Variants in ZNF469 observed in about 807,000 individuals in gnomAD.
ZNF469 encodes zinc finger protein 469.
A neutral mutation model predicts 1.0 loss-of-function variants in ZNF469; 1 was observed. That is an observed-to-expected ratio of 1.00 (90% CI 0.35 to 4.73). The LOEUF (loss-of-function observed/expected upper bound fraction) is 4.73. Among genes scored for constraint, ZNF469 ranks in the 30% most tolerant of loss-of-function variants. The pLI is 0.16. For missense variants in ZNF469, 6,100 were observed against 5,356.3 expected, an observed-to-expected ratio of 1.14 and a Z score of -4.33; for synonymous variants, 2,703 against 2,363.4, an observed-to-expected ratio of 1.14 and a Z score of -4.17.
chr16:88,122,070 G>A, the ZNF469 span, among the ~76,000 whole-genome samples: 5,816 of 136,496 alleles, frequency 0.043, 272 homozygotes, highest in Non-Finnish European at 0.071. Flanking sequence ...ATCGCACCCT[G>A]TCACTTGCTG....
the ZNF469 span, among the ~76,000 whole-genome samples, chr16:88,325,263 C>CGCGACAGCAGCTGTGACATACACAGGG: frequency 4.6e-5 from 7 of 151,914 alleles, no homozygotes; most frequent in Admixed American, 1.3e-4. Flanking sequence ...TCCAGGTGGT[C>CGCGACAGCAGCTGTGACATACACAGGG]CCTACAGGCT....
intron 1 of ZNF469, among the ~76,000 whole-genome samples, chr16:88,415,816 C>T (rs536048047): frequency 6.6e-6 from 1 of 152,372 alleles, no homozygotes; most frequent in Admixed American, 6.5e-5. Context: ...TCCCAAGCCC[C>T]GCATGATCAT....
chr16:88,188,768 C>T, the ZNF469 span, among the ~76,000 whole-genome samples: 1 of 152,216 alleles, frequency 6.6e-6, no homozygotes, highest in African/African-American at 2.4e-5. Flanking sequence ...AGACCCTCCC[C>T]CTGCCCAGAT....
At chr16:88,297,557 A>G in the ZNF469 span, among the ~76,000 whole-genome samples, 3 of 152,144 alleles carry the variant, frequency 2.0e-5, no homozygotes, top group Non-Finnish European at 4.4e-5. Flanking sequence ...AGCTGTTGCC[A>G]TGAGCCCTGC....
the ZNF469 span, among the ~76,000 whole-genome samples, chr16:88,325,518 C>T: frequency 2.0e-5 from 3 of 152,248 alleles, no homozygotes; most frequent in Admixed American, 6.5e-5. Context: ...CCACTGCAGC[C>T]AGGGGCACTA....
intron 1 of ZNF469, among the ~76,000 whole-genome samples, chr16:88,390,311 G>A (rs1272152123): frequency 1.3e-5 from 2 of 152,304 alleles, no homozygotes; most frequent in Non-Finnish European, 1.5e-5. Context: ...CCCACCAACT[G>A]GCAGGGGCCC....
At chr16:88,163,654 A>C in the ZNF469 span, among the ~76,000 whole-genome samples, 1 of 106,746 alleles carries the variant, frequency 9.4e-6, no homozygotes, top group African/African-American at 3.2e-5. Context: ...GGATGGATGG[A>C]TAGTTGGGTA....
the ZNF469 span, among the ~76,000 whole-genome samples, chr16:88,326,823 T>C: frequency 6.6e-6 from 1 of 152,206 alleles, no homozygotes; most frequent in African/African-American, 2.4e-5. Flanking sequence ...CCCCCCGCTC[T>C]TTCCTGACTC....
the ZNF469 span, among the ~76,000 whole-genome samples, chr16:88,218,502 C>T: frequency 6.6e-6 from 1 of 152,186 alleles, no homozygotes; most frequent in Non-Finnish European, 1.5e-5. Context: ...GTGTTTTAGA[C>T]ATGAAGTCCT....
chr16:88,385,238 G>A (rs2092534462), intron 1 of ZNF469, among the ~76,000 whole-genome samples: 2 of 152,004 alleles, frequency 1.3e-5, no homozygotes, highest in African/African-American at 4.8e-5. Context: ...CTGGAGTCTT[G>A]TCACCACCGA....
At chr16:88,426,453 A>G (rs990302585) in intron 2 of ZNF469, among the ~76,000 whole-genome samples, 69 of 152,388 alleles carry the variant, frequency 4.5e-4, no homozygotes, top group African/African-American at 1.5e-3. Context: ...CGCACAGAGG[A>G]CAGTCCCGTA....
the ZNF469 span, among the ~76,000 whole-genome samples, chr16:88,280,244 A>T: frequency 2.0e-5 from 3 of 149,814 alleles, no homozygotes; most frequent in Admixed American, 6.6e-5. Flanking sequence ...CCTGACGCTC[A>T]GTCAGTACTG....
the ZNF469 span, among the ~76,000 whole-genome samples, chr16:88,203,522 A>G: frequency 6.6e-6 from 1 of 152,112 alleles, no homozygotes; most frequent in Middle Eastern, 3.2e-3. Context: ...GGGTGGAGGC[A>G]GGAGCTGGGG....
At chr16:88,330,435 G>A in the ZNF469 span, among the ~76,000 whole-genome samples, 1 of 152,270 alleles carries the variant, frequency 6.6e-6, no homozygotes, top group Non-Finnish European at 1.5e-5. Context: ...CCTGAGAGCG[G>A]AGTGGGTTTG....
At chr16:88,400,357 C>G (rs1904818854) in intron 1 of ZNF469, among the ~76,000 whole-genome samples, 1 of 152,202 alleles carries the variant, frequency 6.6e-6, no homozygotes, top group Non-Finnish European at 1.5e-5. Flanking sequence ...CAAAATTGGC[C>G]TACCAGGACA....
At chr16:88,230,773 A>G in the ZNF469 span, among the ~76,000 whole-genome samples, 1 of 152,202 alleles carries the variant, frequency 6.6e-6, no homozygotes, top group African/African-American at 2.4e-5. Flanking sequence ...AGGAGTGGGC[A>G]TCTGTCCCGC....
the ZNF469 span, among the ~76,000 whole-genome samples, chr16:88,270,508 A>G: frequency 3.3e-5 from 5 of 152,214 alleles, no homozygotes; most frequent in African/African-American, 4.8e-5. Flanking sequence ...CCTGCTTATC[A>G]TGCAGACTCC....
At chr16:88,226,847 G>A in the ZNF469 span, among the ~76,000 whole-genome samples, 53 of 152,036 alleles carry the variant, frequency 3.5e-4, 1 homozygote, top group East Asian at 9.2e-3. Context: ...AAGAAGTGTG[G>A]GTTCCAAAGC....
the ZNF469 span, among the ~76,000 whole-genome samples, chr16:88,258,120 C>G: frequency 6.6e-6 from 1 of 152,008 alleles, no homozygotes; most frequent in South Asian, 2.1e-4. Flanking sequence ...CAGGCATTGA[C>G]AATTCAAAGA....
Sources: allele counts gnomAD v4.1 joint callset (sites outside exome capture counted in the v4.1 genomes callset), GRCh38; gene constraint gnomAD v4.1.1; transcripts MANE v1.5; gene names NCBI Gene and HGNC (gene_info 2026-07-23, HGNC 2026-07-21).